WNT5B: variants seen among roughly 807,000 people sequenced by gnomAD.
WNT5B encodes the protein protein Wnt-5b.
In WNT5B, 18 loss-of-function variants were observed where a neutral mutation model predicts 36.5. The observed-to-expected ratio is 0.49, with a 90% CI of 0.34 to 0.73. The LOEUF is 0.73. Ranked by LOEUF, WNT5B falls within the 30% of genes least tolerant of loss-of-function variation. The pLI is 0.01. For synonymous variants in WNT5B, 213 were observed against 212.3 expected, an observed-to-expected ratio of 1.00 and a Z score of -0.03; for missense variants, 424 against 508.4, an observed-to-expected ratio of 0.83 and a Z score of 1.60.
intron 2 of WNT5B, among the ~76,000 whole-genome samples, chr12:1,631,915 C>T (rs577871574): frequency 2.6e-5 from 4 of 152,234 alleles, no homozygotes; most frequent in Non-Finnish European, 4.4e-5. Context: ...AAATGGCAGG[C>T]GATCACCACC....
intron 1 of WNT5B, among the ~76,000 whole-genome samples, chr12:1,623,792 C>G (rs1454809395): frequency 1.3e-5 from 2 of 152,162 alleles, no homozygotes; most frequent in East Asian, 3.9e-4. Context: ...AGCTCTTGAC[C>G]TGGTTTGTCT....
chr12:1,640,929 G>C (rs550574747), intron 4 of WNT5B, among the ~76,000 whole-genome samples: 1 of 152,242 alleles, frequency 6.6e-6, no homozygotes, highest in Non-Finnish European at 1.5e-5. Flanking sequence ...AAGGTCTGCG[G>C]TCTGAGCACT....
intron 1 of WNT5B, among the ~76,000 whole-genome samples, chr12:1,623,738 A>G (rs1337321449): frequency 2.6e-5 from 4 of 152,136 alleles, no homozygotes; most frequent in Admixed American, 6.5e-5. Flanking sequence ...TGCATCTTCC[A>G]TGAGCCCCTC....
In WNT5B at chr12:1,646,352, G is replaced by C; in HGVS notation, c.*100G>C. On this transcript the variant is annotated 3_prime_UTR_variant, in exon 5 of 5. Coordinates refer to ENST00000397196, the MANE Select transcript of WNT5B (RefSeq NM_032642.3). ...ATTTTATATTTGTATAAGTAAATGG[G>C]TGGGTGCTATACAATGGAAAGATGA... 10 of 1,021,274 alleles carry C rather than the reference G, an allele frequency of 9.8e-6. No individual in the cohort carries two copies. The highest frequency in any genetic ancestry group is 1.2e-5 in the Non-Finnish European group (9 of 762,660). The allele number at this position is 1,021,274 out of a possible 1,614,324, so 63.3% of individuals were successfully genotyped here. A position where few individuals can be genotyped will look rare whatever the true frequency, so the allele number is the denominator to read the frequency against.
rs2094553890 is a variant in WNT5B at position 1,632,982 on chromosome 12, C to T, written c.328+77C>T. 6.5e-7 allele frequency: 1 copy of T among 1,536,700 alleles called. No homozygotes were observed. The highest frequency in any genetic ancestry group is 1.2e-5 in the South Asian group (1 of 80,368). On this transcript the variant is annotated intron_variant, in intron 3 of 4. Transcript: ENST00000397196. This position sits in a 1 kb window ranked among gnomAD's most constrained non-coding sequence, Gnocchi z 5.8. ...TGGGAGCAATTAAGCTCTCTCAGGA[C>T]TGGCACAGGGAGAGCCCAAAGGCAG...
chr12:1,646,188 A>G lies in WNT5B; in HGVS notation c.1016A>G (p.His339Arg). 1.2e-6 allele frequency: 2 copies of G among 1,613,852 alleles called. No homozygotes were observed. Among genetic ancestry groups the G allele is most frequent in the Non-Finnish European group, 1.7e-6 (2 of 1,180,034 alleles). ...VQVERCHCKFHWCCFVRCKKC... is the reference protein window; with the variant it reads ...VQVERCHCKFRWCCFVRCKKC... ...GTGGAGCGCTGCCACTGCAAGTTCC[A>G]CTGGTGCTGCTTCGTCAGGTGTAAG... The change falls in exon 5 of 5, where the codon CAC (histidine) becomes CGC (arginine). Residue 339 changes from histidine to arginine, a missense_variant. His to Arg is a conservative substitution (Grantham distance 29). Transcript: ENST00000397196.
At chr12:1,626,409 A>G (rs1467962509), upstream of WNT5B, among the ~76,000 whole-genome samples, 4 of 150,050 alleles carry the variant, frequency 2.7e-5, no homozygotes, top group East Asian at 2.0e-4. Flanking sequence ...GATTACAGGT[A>G]TGTGCCACCG....
intron 1 of WNT5B, among the ~76,000 whole-genome samples, chr12:1,621,876 T>C (rs2094534224): frequency 1.3e-5 from 2 of 152,060 alleles, no homozygotes; most frequent in Admixed American, 1.3e-4. Flanking sequence ...CTACATAAAT[T>C]TCACGAACAA....
rs2154439528 is a variant in WNT5B, at chr12:1,630,576, C to T, written c.-57-722C>T. 6.6e-6 allele frequency among the ~76,000 whole-genome samples: 1 copy of T among 152,290 alleles called. No homozygotes were observed. The highest frequency in any genetic ancestry group is 2.4e-5 in the African/African-American group (1 of 41,576). On this transcript the variant is annotated intron_variant, in intron 1 of 4. Transcript: ENST00000397196. The surrounding 1 kb of genome is among the most constrained non-coding windows in gnomAD (Gnocchi z 5.3). ...CTGCTGGGCAAGGTACTCGGTGCCG[C>T]CCTCGAGGACCACGGTGCCGGGAGG... is the stretch of plus-strand genomic sequence containing the variant.
intron 4 of WNT5B, 139 bp from the exon 5 acceptor site, chr12:1,645,655 C>A: frequency 1.3e-6 from 1 of 771,452 alleles, no homozygotes; most frequent in Non-Finnish European, 2.0e-6. Flanking sequence ...TTGGAAAGAT[C>A]TTTGCATGCA....
chr12:1,640,192 CTTCTT>C (rs1225246228), intron 4 of WNT5B, among the ~76,000 whole-genome samples: 2 of 152,144 alleles, frequency 1.3e-5, no homozygotes. Flanking sequence ...CTTTTCTTTT[CTTCTT>C]TTCTTTTTAC....
In WNT5B at chr12:1,630,571, T is replaced by C. The variant is rs1046704245; in HGVS notation, c.-57-727T>C. 1.3e-5 allele frequency among the ~76,000 whole-genome samples: 2 copies of C among 152,052 alleles called. No individual in the cohort carries two copies. Among genetic ancestry groups the C allele is most frequent in the Non-Finnish European group, 2.9e-5 (2 of 67,992 alleles). ...TGCAGCTGCTGGGCAAGGTACTCGGTGCCGCCCTCGAGGACCACGGTGCCG... is the reference window on the plus strand; with the variant it reads ...TGCAGCTGCTGGGCAAGGTACTCGGCGCCGCCCTCGAGGACCACGGTGCCG... On this transcript the variant is annotated intron_variant, in intron 1 of 4. Coordinates refer to ENST00000397196, the MANE Select transcript of WNT5B (RefSeq NM_032642.3). This position sits in a 1 kb window ranked among gnomAD's most constrained non-coding sequence, Gnocchi z 5.3.
intron 1 of WNT5B, among the ~76,000 whole-genome samples, chr12:1,622,189 C>T (rs1015840303): frequency 1.7e-4 from 26 of 149,074 alleles, no homozygotes; most frequent in Admixed American, 8.8e-4. Context: ...CGGCTCACTG[C>T]AAGCTCCGCT....
At position 1,639,709 on chromosome 12, in the gene WNT5B, C is replaced by T. The variant is rs1031302971; in HGVS notation, c.354C>T (p.His118=). 1.9e-6 allele frequency: 3 copies of T among 1,581,788 alleles called. No homozygotes were observed. Among genetic ancestry groups the T allele is most frequent in the African/African-American group, 1.4e-5 (1 of 73,982 alleles). ...GCAGCCGAGAGACCGCCTTCACCCA[C>T]GCGGTGAGCGCCGCGGGCGTGGTCA... ...QIGSRETAFT[H]AVSAAGVVNA... Residue 118 remains histidine (H), a synonymous_variant, in exon 4 of 5, where the codon CAC becomes CAT. Coordinates refer to ENST00000397196, the MANE Select transcript of WNT5B (RefSeq NM_032642.3).
rs868340972 is a variant in WNT5B, at chr12:1,642,299, C to G, written c.621+2323C>G. On this transcript the variant is annotated intron_variant, in intron 4 of 4. Transcript: ENST00000397196. Reference sequence around the variant, plus strand: ...GAAGGGGTTAAGATCCGCACTTTATCTCCTGACTGCCCAGAGTCGATCCAG... The same window carrying G: ...GAAGGGGTTAAGATCCGCACTTTATGTCCTGACTGCCCAGAGTCGATCCAG... Among the ~76,000 whole-genome samples, 8 of 152,226 alleles carry G rather than the reference C, an allele frequency of 5.3e-5. No homozygotes were observed. In the East Asian group the frequency reaches 1.3e-3, roughly 26 times the overall value.
rs899966875 is a variant in WNT5B at position 1,632,733 on chromosome 12, C to A, written c.156C>A (p.Pro52=). The A allele has an allele frequency of 6.2e-7, 1 of 1,613,840 alleles. No individual in the cohort carries two copies. Among genetic ancestry groups the A allele is most frequent in the African/African-American group, 1.3e-5 (1 of 74,910 alleles). The change falls in exon 3 of 5, where the codon CCC becomes CCA. Residue 52 remains proline (P), a synonymous_variant. Transcript: ENST00000397196. This position sits in a 1 kb window ranked among gnomAD's most constrained non-coding sequence, Gnocchi z 5.8. ...CCCAGCCCGTGTGCAGTCAGCTTCC[C>A]GGGCTCTCCCCTGGCCAGAGGAAGC... ...IGAQPVCSQL[P]GLSPGQRKLC...
At position 1,631,372 on chromosome 12, in the gene WNT5B, G is replaced by A; in HGVS notation, c.18G>A (p.Leu6=). The stretch of plus-strand genomic sequence containing the variant: ...GGCCGACCATGCCCAGCCTGCTGCT[G>A]CTGTTCACGGCTGCTCTGCTGTCCA... MPSLL[L]LFTAALLSSW... The change falls in exon 2 of 5, where the codon CTG becomes CTA. Residue 6 remains leucine (L), a synonymous_variant. Coordinates refer to ENST00000397196, the MANE Select transcript of WNT5B (RefSeq NM_032642.3). 1 of 1,614,164 alleles carries A rather than the reference G, an allele frequency of 6.2e-7. No homozygotes were observed. Among genetic ancestry groups the A allele is most frequent in the Non-Finnish European group, 8.5e-7 (1 of 1,180,038 alleles).
Position 1,617,297 on chromosome 12 carries a change from A to C in WNT5B, c.-58+154A>C, listed in dbSNP as rs142475674. ...ATGCATTTAGTACAATGATTATCAT[A>C]TATGTAATATATAAAATATATATAT... On this transcript the variant is annotated intron_variant, in intron 1 of 4. Coordinates refer to the WNT5B transcript ENST00000310594. 3.4e-3 allele frequency among the ~76,000 whole-genome samples: 367 copies of C among 106,764 alleles called. 2 individuals are homozygous for C. Among genetic ancestry groups the C allele is most frequent in the Admixed American group, 5.8e-3 (60 of 10,372 alleles). The allele number at this position is 106,764 out of a possible 152,430, so 70.0% of individuals were successfully genotyped here. A position where few individuals can be genotyped will look rare whatever the true frequency, so the allele number is the denominator to read the frequency against.
rs371241375 is a variant in WNT5B at position 1,623,438 on chromosome 12, G to A, written c.-58+6295G>A. The stretch of plus-strand genomic sequence containing the variant: ...TCTCCATCTCCTGACCTCGTGATCC[G>A]CCCGCCTCGGCCTCCCAAAGTGCTG... On this transcript the variant is annotated intron_variant, in intron 1 of 4. Coordinates refer to the WNT5B transcript ENST00000310594. Among the ~76,000 whole-genome samples the A allele has an allele frequency of 3.2e-4, 49 of 151,818 alleles. No homozygotes were observed. In the East Asian group the frequency reaches 6.6e-3, roughly 20 times the overall value.
Sources: gnomAD v4.1 joint callset for allele counts (sites outside exome capture counted in the v4.1 genomes callset) on GRCh38, gnomAD v4.1.1 for gene constraint, Gnocchi (gnomAD v3.1) non-coding constraint, MANE v1.5 for transcripts, NCBI Gene and HGNC (gene_info 2026-07-23, HGNC 2026-07-21) for gene names.